AXDND1: variants seen among roughly 807,000 people sequenced by gnomAD.
AXDND1 encodes axonemal dynein light chain domain-containing protein 1.
A neutral mutation model predicts 137.5 loss-of-function variants in AXDND1; 110 were observed. That is an observed-to-expected ratio of 0.80 (90% CI 0.69 to 0.94). The LOEUF (loss-of-function observed/expected upper bound fraction) is 0.94, where lower values mean the gene tolerates loss of function less well. Among genes scored for constraint, AXDND1 ranks in the 40% least tolerant of loss-of-function variants. The pLI, the probability that AXDND1 is intolerant of heterozygous loss-of-function variation, is 0.00. For missense variants in AXDND1, 1,191 were observed against 1,169.8 expected (o/e 1.02, Z -0.26); for synonymous variants, 414 against 399.7 (o/e 1.04, Z -0.43).
chr1:179,538,679 A>C (rs1277338875), intron 25 of AXDND1, among the ~76,000 whole-genome samples: 1 of 152,052 alleles, frequency 6.6e-6, no homozygotes, highest in African/African-American at 2.4e-5. Context: ...TTGATTTGGG[A>C]TGGAGAATTC....
intron 12 of AXDND1, among the ~76,000 whole-genome samples, chr1:179,429,012 C>T (rs576530271): frequency 7.2e-5 from 11 of 151,960 alleles, no homozygotes; most frequent in Non-Finnish European, 1.5e-4. Context: ...CTCATCTCTA[C>T]TAAAAATAAA....
At chr1:179,456,293 G>C in intron 16 of AXDND1, 1 of 743,850 alleles carries the variant, frequency 1.3e-6, no homozygotes, top group Non-Finnish European at 2.4e-6. Context: ...TTTGTGGTTT[G>C]ACGAAGTATT....
At chr1:179,406,400 A>G (rs536922313) in intron 11 of AXDND1, among the ~76,000 whole-genome samples, 42 of 152,194 alleles carry the variant, frequency 2.8e-4, no homozygotes, top group Non-Finnish European at 4.4e-4. Flanking sequence ...CTTAAATCCA[A>G]TGTTTCTTTG....
chr1:179,427,917 C>T (rs1656804722), intron 12 of AXDND1, among the ~76,000 whole-genome samples: 1 of 148,404 alleles, frequency 6.7e-6, no homozygotes, highest in Non-Finnish European at 1.5e-5. Context: ...AGGGCAGCCA[C>T]CTAAAGGAGG....
At chr1:179,403,799 A>G (rs1471836306) in intron 11 of AXDND1, among the ~76,000 whole-genome samples, 1 of 151,590 alleles carries the variant, frequency 6.6e-6, no homozygotes, top group African/African-American at 2.4e-5. Flanking sequence ...GTCTGGAACT[A>G]CTCCTGACCT....
intron 25 of AXDND1, among the ~76,000 whole-genome samples, chr1:179,535,401 G>A (rs1193384527): frequency 6.6e-6 from 1 of 152,048 alleles, no homozygotes; most frequent in South Asian, 2.1e-4. Flanking sequence ...AGGCCCCAGT[G>A]TGTGATGTTC....
At chr1:179,371,925 A>G (rs1269464881) in intron 4 of AXDND1, among the ~76,000 whole-genome samples, 1 of 152,204 alleles carries the variant, frequency 6.6e-6, no homozygotes. Flanking sequence ...TAACAACCCA[A>G]ATGAGCATAG....
At position 179,452,487 on chromosome 1, in the gene AXDND1, G is replaced by C. The variant is rs1177386098; in HGVS notation, c.1798+7283G>C. On this transcript the variant is annotated intron_variant, in intron 16 of 25. Coordinates refer to ENST00000367618, the MANE Select transcript of AXDND1 (RefSeq NM_144696.6). ...GTGGATCATGAGGTCGGGAGATCGA[G>C]ACCATCCTGGCTAACAAGGTGAAAC... 4 of 145,906 alleles carry C rather than the reference G, an allele frequency of 2.7e-5. 1 individual carries two copies. The highest frequency in any genetic ancestry group is 1.1e-4 in the African/African-American group (4 of 36,424). The allele number at this position is 145,906 out of a possible 1,614,324, so 9.0% of individuals were successfully genotyped here. A position where few individuals can be genotyped will look rare whatever the true frequency, so the allele number is the denominator to read the frequency against.
chr1:179,471,207 G>T (rs770175185), intron 17 of AXDND1, among the ~76,000 whole-genome samples: 1 of 152,014 alleles, frequency 6.6e-6, no homozygotes, highest in Admixed American at 6.6e-5. Context: ...TGATGTCTTC[G>T]CCTGGTGTTA....
intron 12 of AXDND1, among the ~76,000 whole-genome samples, chr1:179,424,553 G>C (rs1656278146): frequency 6.6e-6 from 1 of 150,828 alleles, no homozygotes; most frequent in Non-Finnish European, 1.5e-5. Flanking sequence ...TCAGTCTCCT[G>C]AGTAGCTGGG....
chr1:179,459,964 T>C (rs1191056090), intron 16 of AXDND1, among the ~76,000 whole-genome samples: 2 of 145,476 alleles, frequency 1.4e-5, no homozygotes, highest in East Asian at 4.0e-4. Flanking sequence ...CTTCCTTCTT[T>C]CTTTCTTTCT....
At chr1:179,495,457 T>C (rs1441606658) in intron 20 of AXDND1, among the ~76,000 whole-genome samples, 1 of 152,146 alleles carries the variant, frequency 6.6e-6, no homozygotes, top group Non-Finnish European at 1.5e-5. Flanking sequence ...ATACATGGTA[T>C]TATTTTATAA....
chr1:179,407,869 G>C (rs891629856), intron 11 of AXDND1, among the ~76,000 whole-genome samples: 9 of 151,930 alleles, frequency 5.9e-5, no homozygotes, highest in Non-Finnish European at 1.0e-4. Flanking sequence ...TTCTCTTTCC[G>C]AAACTCCCCA....
intron 11 of AXDND1, among the ~76,000 whole-genome samples, chr1:179,401,383 A>G (rs1244988905): frequency 1.3e-5 from 2 of 152,188 alleles, no homozygotes; most frequent in South Asian, 2.1e-4. Flanking sequence ...TAGCCAAACC[A>G]GTATCCAATC....
At chr1:179,462,640 C>T (rs1394992063) in intron 16 of AXDND1, among the ~76,000 whole-genome samples, 1 of 152,178 alleles carries the variant, frequency 6.6e-6, no homozygotes, top group Admixed American at 6.5e-5. Context: ...CCTCTTTGTA[C>T]CTCTGGTAGA....
chr1:179,487,790 A>AT (rs1302341203), intron 18 of AXDND1, among the ~76,000 whole-genome samples: 3 of 148,148 alleles, frequency 2.0e-5, no homozygotes, highest in Admixed American at 1.3e-4. Flanking sequence ...AAGCCCAGGA[A>AT]TTTAAGACCA....
intron 20 of AXDND1, among the ~76,000 whole-genome samples, chr1:179,498,938 T>C (rs982051686): frequency 6.6e-6 from 1 of 151,808 alleles, no homozygotes; most frequent in Non-Finnish European, 1.5e-5. Flanking sequence ...CAGATGCTAG[T>C]GAGGCTGCAG....
chr1:179,510,913 C>A (rs978246839), intron 21 of AXDND1, among the ~76,000 whole-genome samples: 7 of 151,456 alleles, frequency 4.6e-5, no homozygotes, highest in Non-Finnish European at 1.0e-4. Flanking sequence ...CCCTTCCCCC[C>A]AAATCCCCAA....
At chr1:179,541,944 G>T (rs1672209328) in intron 25 of AXDND1, among the ~76,000 whole-genome samples, 1 of 152,132 alleles carries the variant, frequency 6.6e-6, no homozygotes, top group Non-Finnish European at 1.5e-5. Flanking sequence ...GAAATTTTAT[G>T]TTAACTATCA....
Sources: gnomAD v4.1 joint callset for allele counts (sites outside exome capture counted in the v4.1 genomes callset) on GRCh38, gnomAD v4.1.1 for gene constraint, MANE v1.5 for transcripts, NCBI Gene and HGNC (gene_info 2026-07-23, HGNC 2026-07-21) for gene names.